Variants in DIP2B observed in about 807,000 individuals in gnomAD.
DIP2B encodes disco-interacting protein 2 homolog B.
In DIP2B, 76 loss-of-function variants were observed where a neutral mutation model predicts 198.0. The observed-to-expected ratio is 0.38, with a 90% CI of 0.32 to 0.46. The LOEUF is 0.46. DIP2B is among the 20% of genes least tolerant of loss of function. The probability of loss-of-function intolerance (pLI) is 0.99; values close to 1 mark genes in which losing one functional copy is unlikely to be tolerated. For missense variants in DIP2B, 1,559 were observed against 1,978.4 expected (o/e 0.79, Z 4.02); for synonymous variants, 701 against 739.1 (o/e 0.95, Z 0.84).
intron 31 of DIP2B, among the ~76,000 whole-genome samples, chr12:50,732,104 A>G (rs940362974): frequency 1.1e-4 from 17 of 152,238 alleles, no homozygotes; most frequent in African/African-American, 4.1e-4. Flanking sequence ...GAGGAGGGAT[A>G]AAAACATTGC....
intron 1 of DIP2B, among the ~76,000 whole-genome samples, chr12:50,535,343 ATTGC>A (rs1207094870): frequency 6.6e-6 from 1 of 151,386 alleles, no homozygotes; most frequent in Admixed American, 6.6e-5. Flanking sequence ...AGGCAGGACG[ATTGC>A]TTGAGCCCAG....
intron 1 of DIP2B, among the ~76,000 whole-genome samples, chr12:50,522,584 A>G (rs1958130479): frequency 6.6e-6 from 1 of 152,206 alleles, no homozygotes; most frequent in Non-Finnish European, 1.5e-5. Flanking sequence ...CATGGGGAGA[A>G]CGTGCAAACG....
intron 4 of DIP2B, among the ~76,000 whole-genome samples, chr12:50,669,143 C>G (rs992583302): frequency 6.6e-6 from 1 of 152,136 alleles, no homozygotes; most frequent in African/African-American, 2.4e-5. Context: ...CTGCGAAACC[C>G]TTTGATTACT....
intron 1 of DIP2B, among the ~76,000 whole-genome samples, chr12:50,608,305 A>C (rs10876070): frequency 0.28 from 42,283 of 152,044 alleles, 6,164 homozygotes; most frequent in East Asian, 0.39. Context: ...TATGCTGAAA[A>C]CTTACGTGGA....
intron 4 of DIP2B, among the ~76,000 whole-genome samples, chr12:50,663,414 G>A (rs1218325750): frequency 5.3e-5 from 8 of 151,768 alleles, no homozygotes; most frequent in Non-Finnish European, 7.4e-5. Flanking sequence ...AAAATTAGCC[G>A]GGCGTGGTGG....
At chr12:50,518,673 A>G (rs1219555120) in intron 1 of DIP2B, among the ~76,000 whole-genome samples, 3 of 152,182 alleles carry the variant, frequency 2.0e-5, no homozygotes, top group Non-Finnish European at 2.9e-5. Flanking sequence ...ATCTTGTTTC[A>G]AGTAGTTTCA....
At chr12:50,595,841 G>A (rs1958873814) in intron 1 of DIP2B, among the ~76,000 whole-genome samples, 1 of 152,102 alleles carries the variant, frequency 6.6e-6, no homozygotes, top group Admixed American at 6.5e-5. Flanking sequence ...ATAGCCTCTG[G>A]CACGTGACCT....
At chr12:50,525,472 C>G (rs1490722707) in intron 1 of DIP2B, among the ~76,000 whole-genome samples, 2 of 150,640 alleles carry the variant, frequency 1.3e-5, no homozygotes, top group African/African-American at 4.9e-5. Flanking sequence ...TCTTTTCTTC[C>G]TTGAACTCAA....
chr12:50,543,135 A>G (rs920440714), intron 1 of DIP2B, among the ~76,000 whole-genome samples: 6 of 152,102 alleles, frequency 3.9e-5, no homozygotes, highest in African/African-American at 1.2e-4. Context: ...CAGCTTCCCA[A>G]AGTGATGGGA....
intron 1 of DIP2B, among the ~76,000 whole-genome samples, chr12:50,541,905 G>A (rs531449020): frequency 6.6e-6 from 1 of 152,260 alleles, no homozygotes; most frequent in East Asian, 1.9e-4. Context: ...GGGAGGCTGA[G>A]GCACGAGAAT....
At chr12:50,695,816 G>A (rs751679090) in intron 15 of DIP2B, 32 bp from the exon 16 acceptor site, 4 of 1,612,478 alleles carry the variant, frequency 2.5e-6, no homozygotes, top group Non-Finnish European at 3.4e-6. Flanking sequence ...AATTTATTGT[G>A]TATGTTAACT....
At chr12:50,551,132 C>G (rs1196744409) in intron 1 of DIP2B, among the ~76,000 whole-genome samples, 7 of 151,688 alleles carry the variant, frequency 4.6e-5, no homozygotes, top group Middle Eastern at 3.4e-3. Context: ...ATTTTAAAGA[C>G]CAGATTTGAG....
chr12:50,512,784 T>C (rs1958029569), intron 1 of DIP2B, among the ~76,000 whole-genome samples: 2 of 152,172 alleles, frequency 1.3e-5, no homozygotes, highest in Admixed American at 6.5e-5. Flanking sequence ...GCCGGGTGGA[T>C]TGCCTGAGCT....
At chr12:50,720,757 G>A (rs888637154) in intron 25 of DIP2B, among the ~76,000 whole-genome samples, 3 of 152,152 alleles carry the variant, frequency 2.0e-5, no homozygotes, top group African/African-American at 7.2e-5. Context: ...TCACTGCACT[G>A]CAGCTTGGGC....
intron 1 of DIP2B, among the ~76,000 whole-genome samples, chr12:50,586,258 A>G (rs1266502872): frequency 6.6e-6 from 1 of 152,194 alleles, no homozygotes; most frequent in African/African-American, 2.4e-5. Flanking sequence ...TTGCATTTAA[A>G]AAGTGATTTC....
chr12:50,600,987 G>T (rs1229224732), intron 1 of DIP2B, among the ~76,000 whole-genome samples: 2 of 148,132 alleles, frequency 1.4e-5, no homozygotes, highest in Non-Finnish European at 3.0e-5. Context: ...TTCTCAACTG[G>T]GTCTGCTGGA....
At chr12:50,664,941 C>A (rs1446072227) in intron 4 of DIP2B, among the ~76,000 whole-genome samples, 1 of 149,842 alleles carries the variant, frequency 6.7e-6, no homozygotes, top group African/African-American at 2.5e-5. Context: ...CTCAAACTCC[C>A]AGGGTCAAGC....
chr12:50,680,910 C>T (rs1034288912), intron 9 of DIP2B, 147 bp downstream of exon 9: 1 of 787,964 alleles, frequency 1.3e-6, no homozygotes, highest in African/African-American at 1.7e-5. Context: ...GGTTCCAACG[C>T]AGGTTAGCCC....
At chr12:50,505,510 C>A (rs1409493752) in intron 1 of DIP2B, among the ~76,000 whole-genome samples, 2 of 152,184 alleles carry the variant, frequency 1.3e-5, no homozygotes, top group African/African-American at 4.8e-5. Context: ...TCCTGCCCCC[C>A]AAAACCCGAG....
Sources: gnomAD v4.1 joint callset for allele counts (sites outside exome capture counted in the v4.1 genomes callset) on GRCh38, gnomAD v4.1.1 for gene constraint, MANE v1.5 for transcripts, NCBI Gene and HGNC (gene_info 2026-07-23, HGNC 2026-07-21) for gene names.